Variants in UEVLD observed in about 807,000 individuals in gnomAD.
UEVLD encodes ubiquitin-conjugating enzyme E2 variant 3.
In UEVLD, 47 loss-of-function variants were observed where a neutral mutation model predicts 58.6. That is an observed-to-expected ratio of 0.80 (90% confidence interval 0.63 to 1.02). UEVLD has a LOEUF of 1.02. UEVLD is among the 50% of genes least tolerant of loss of function. The pLI is 0.00. For missense variants in UEVLD, 510 were observed against 550.6 expected, an observed-to-expected ratio of 0.93 and a Z score of 0.74; for synonymous variants, 197 against 195.3, an observed-to-expected ratio of 1.01 and a Z score of -0.07.
Position 18,547,115 on chromosome 11 carries a change from T to C in UEVLD, c.716-65A>G, listed in dbSNP as rs1418475208. On this transcript the variant is annotated intron_variant, in intron 7 of 11. Coordinates refer to ENST00000396197, the MANE Select transcript of UEVLD (RefSeq NM_001040697.4). ...GCTTTAATCAAGTTCTAGTTCACGA[T>C]TAAAAGGTTGTTCTTTTCAACAAAT... The C allele has an allele frequency of 2.6e-6, 4 of 1,516,524 alleles. No individual in the cohort carries two copies. In the African/African-American group the frequency reaches 4.2e-5, roughly 16 times the overall value. The allele number at this position is 1,516,524 out of a possible 1,614,324, so 93.9% of individuals were successfully genotyped here. A position where few individuals can be genotyped will look rare whatever the true frequency, so the allele number is the denominator to read the frequency against.
chr11:18,544,825 T>A (rs752994431), intron 8 of UEVLD, 29 bp from the exon 9 acceptor site: 11 of 1,483,666 alleles, frequency 7.4e-6, no homozygotes, highest in Non-Finnish European at 9.8e-6. Flanking sequence ...GTAAAAAATG[T>A]AAAGGTTAAA....
chr11:18,535,040 T>C (rs1419195295), intron 10 of UEVLD, among the ~76,000 whole-genome samples: 1 of 152,234 alleles, frequency 6.6e-6, no homozygotes, highest in Non-Finnish European at 1.5e-5. Context: ...TAGATTTACA[T>C]GTACAATGTG....
chr11:18,537,236 C>T, intron 9 of UEVLD, among the ~76,000 whole-genome samples: 1 of 150,964 alleles, frequency 6.6e-6, no homozygotes, highest in Non-Finnish European at 1.5e-5. Flanking sequence ...TCTGGGTTAC[C>T]CATTTCCTTT....
intron 1 of UEVLD, among the ~76,000 whole-genome samples, chr11:18,581,510 C>A (rs1372913372): frequency 6.6e-6 from 1 of 151,982 alleles, no homozygotes; most frequent in Non-Finnish European, 1.5e-5. Context: ...ATGGTGAAAT[C>A]CCGTCTCAAC....
rs747531864 is a variant in UEVLD at position 18,578,777 on chromosome 11, A to T, written c.74T>A (p.Leu25Gln). ...YKFRDLTVEE[L>Q]RNVNVFFPHF... is the part of the protein sequence containing the mutation. ...TGGGAAAAATACATTTACATTCCTT[A>T]GTTCTTCCACAGTTAGGTCCCTGAA... The change falls in exon 2 of 12, where the codon CTA (leucine) becomes CAA (glutamine). Residue 25 changes from leucine to glutamine, a missense_variant. Coordinates refer to ENST00000396197, the MANE Select transcript of UEVLD (RefSeq NM_001040697.4). The T allele has an allele frequency of 6.2e-7, 1 of 1,608,506 alleles. No individual in the cohort carries two copies. Among genetic ancestry groups the T allele is most frequent in the Non-Finnish European group, 8.5e-7 (1 of 1,177,332 alleles).
chr11:18,568,108 G>C (rs1424125926), intron 4 of UEVLD, among the ~76,000 whole-genome samples: 1 of 152,174 alleles, frequency 6.6e-6, no homozygotes, highest in Non-Finnish European at 1.5e-5. Context: ...TTGTGCTACT[G>C]CACTCCAGCA....
intron 7 of UEVLD, among the ~76,000 whole-genome samples, chr11:18,552,143 C>T (rs1851555435): frequency 1.3e-5 from 2 of 152,180 alleles, no homozygotes; most frequent in Admixed American, 1.3e-4. Context: ...TGAATATACT[C>T]TTTTCAAATT....
At chr11:18,574,543 T>TA (rs1238575395) in intron 3 of UEVLD, among the ~76,000 whole-genome samples, 1 of 152,228 alleles carries the variant, frequency 6.6e-6, no homozygotes, top group East Asian at 1.9e-4. Flanking sequence ...ATAAGCAACC[T>TA]CTTGTGATTC....
rs1852178019 is a variant in UEVLD at position 18,564,082 on chromosome 11, G to A, written c.612+810C>T. 1.3e-5 allele frequency: 3 copies of A among 226,090 alleles called. No homozygotes were observed. The South Asian group carries it at 1.5e-4, about 11-fold the overall frequency. The allele number at this position is 226,090 out of a possible 1,614,324, so 14.0% of individuals were successfully genotyped here. On this transcript the variant is annotated intron_variant, in intron 6 of 11. Transcript: ENST00000396197. ...GAAATAAAACTACAGCATGCCAAAA[G>A]TTGGCATATTTAACTCTGAGCAGCC...
Position 18,558,244 on chromosome 11 carries a change from A to G in UEVLD, c.699T>C (p.Asn233=), listed in dbSNP as rs1190284525. The part of the protein sequence containing the change: ...TMDLEIFNLP[N]VEISKDLSAS... ...TAAACAGACCTTTGCTGATCTCCAC[A>G]TTAGGAAGGTTGAAGATTTCAAGGT... is the stretch of plus-strand genomic sequence containing the variant. The change falls in exon 7 of 12, where the codon AAT becomes AAC. Residue 233 remains asparagine (N), a synonymous_variant. Coordinates refer to ENST00000396197, the MANE Select transcript of UEVLD (RefSeq NM_001040697.4). 1 of 1,612,592 alleles carries G rather than the reference A, an allele frequency of 6.2e-7. No homozygotes were observed. The highest frequency in any genetic ancestry group is 1.7e-5 in the Admixed American group (1 of 59,864).
At chr11:18,538,278 T>G (rs1850898080) in intron 9 of UEVLD, among the ~76,000 whole-genome samples, 1 of 151,692 alleles carries the variant, frequency 6.6e-6, no homozygotes, top group South Asian at 2.1e-4. Context: ...CTTGCACATA[T>G]TCTTTTTTTT....
chr11:18,580,005 C>T (rs1421055856), intron 1 of UEVLD, among the ~76,000 whole-genome samples: 1 of 138,538 alleles, frequency 7.2e-6, no homozygotes, highest in Non-Finnish European at 1.5e-5. Context: ...TCAACAGATT[C>T]AACATAATCC....
intron 6 of UEVLD, 64 bp downstream of exon 6, chr11:18,564,828 A>T: frequency 8.2e-7 from 1 of 1,225,054 alleles, no homozygotes; most frequent in Admixed American, 2.1e-5. Flanking sequence ...TGGTGTGTAA[A>T]ACACAACCTG....
intron 7 of UEVLD, among the ~76,000 whole-genome samples, chr11:18,548,370 C>G (rs1042796789): frequency 1.3e-5 from 2 of 152,154 alleles, no homozygotes; most frequent in Admixed American, 1.3e-4. Flanking sequence ...ATATTAGCCT[C>G]CCAGGGAGAC....
chr11:18,549,531 G>A (rs1370291906), intron 7 of UEVLD, among the ~76,000 whole-genome samples: 2 of 152,052 alleles, frequency 1.3e-5, no homozygotes, highest in African/African-American at 4.8e-5. Flanking sequence ...TGATTCTCCT[G>A]CCTCAGCTTC....
intron 7 of UEVLD, among the ~76,000 whole-genome samples, chr11:18,551,778 C>T (rs2133988866): frequency 6.6e-6 from 1 of 152,296 alleles, no homozygotes; most frequent in East Asian, 1.9e-4. Flanking sequence ...ATCCTTCCTG[C>T]TAAGCCAAGG....
At chr11:18,566,886 C>T (rs1326605440) in intron 4 of UEVLD, among the ~76,000 whole-genome samples, 2 of 152,030 alleles carry the variant, frequency 1.3e-5, no homozygotes, top group African/African-American at 2.4e-5. Context: ...GCTTAATAGC[C>T]GAATACCTAG....
rs1850576828 is a variant in UEVLD, at chr11:18,531,931, C to T, written c.*389G>A. ...ACAGATTTTGTAAATCCATACTGGG[C>T]CTGGAACTTATGTTGATTATAAAAG... On this transcript the variant is annotated 3_prime_UTR_variant, in exon 12 of 12. Coordinates refer to ENST00000396197, the MANE Select transcript of UEVLD (RefSeq NM_001040697.4). The T allele has an allele frequency of 6.6e-6, 1 of 152,540 alleles. No homozygotes were observed. Among genetic ancestry groups the T allele is most frequent in the Non-Finnish European group, 1.5e-5 (1 of 68,448 alleles). The allele number at this position is 152,540 out of a possible 1,614,324, so 9.4% of individuals were successfully genotyped here. A position where few individuals can be genotyped will look rare whatever the true frequency, so the allele number is the denominator to read the frequency against.
chr11:18,583,361 C>T (rs1433419427), intron 1 of UEVLD, among the ~76,000 whole-genome samples: 4 of 151,742 alleles, frequency 2.6e-5, no homozygotes, highest in African/African-American at 9.7e-5. Flanking sequence ...GCTGGGATTA[C>T]AGGCACCCGC....
Sources: gnomAD v4.1 joint callset for allele counts (sites outside exome capture counted in the v4.1 genomes callset) on GRCh38, gnomAD v4.1.1 for gene constraint, MANE v1.5 for transcripts, NCBI Gene and HGNC (gene_info 2026-07-23, HGNC 2026-07-21) for gene names.